The following APOOL variants were observed in gnomAD, a reference collection of about 807,000 sequenced individuals.
APOOL encodes apolipoprotein O like.
In APOOL, 12 loss-of-function variants were observed where a neutral mutation model predicts 23.1. The observed-to-expected ratio is 0.52, with a 90% CI of 0.33 to 0.84. APOOL has a LOEUF of 0.84. Among genes scored for constraint, APOOL ranks in the 40% least tolerant of loss-of-function variants. The probability of loss-of-function intolerance (pLI) is 0.02; values close to 1 mark genes in which losing one functional copy is unlikely to be tolerated. For missense variants in APOOL, 212 were observed against 199.6 expected (o/e 1.06, Z -0.37); for synonymous variants, 77 against 69.9 (o/e 1.10, Z -0.51).
intron 1 of APOOL, among the ~76,000 whole-genome samples, chrX:85,033,668 G>A (rs1922116551): frequency 8.9e-6 from 1 of 111,757 alleles, no homozygotes; most frequent in Non-Finnish European, 1.9e-5. Flanking sequence ...GACTAGATCT[G>A]TATAAAGCAC....
intron 1 of APOOL, among the ~76,000 whole-genome samples, chrX:85,015,337 C>A (rs1921427944): frequency 9.1e-6 from 1 of 110,156 alleles, no homozygotes; most frequent in South Asian, 3.8e-4. Flanking sequence ...TCAGAGATTT[C>A]TTCTTGGTTT....
In APOOL at chrX:85,092,440, A is replaced by T; in HGVS notation, c.*4762A>T. ...GAGTTCTTCTCTGTTAAACCTGAAGAGATGCCAGCCCTCCTCAGAGGAAAG... is the reference window on the plus strand; with the variant it reads ...GAGTTCTTCTCTGTTAAACCTGAAGTGATGCCAGCCCTCCTCAGAGGAAAG... On this transcript the variant is annotated 3_prime_UTR_variant, in exon 9 of 9. Transcript: ENST00000373173. 1 of 1,195,986 alleles carries T rather than the reference A, an allele frequency of 8.4e-7. No homozygotes were observed. The highest frequency in any genetic ancestry group is 1.1e-6 in the Non-Finnish European group (1 of 887,362).
chrX:85,020,761 T>TGAC (rs947164681), intron 1 of APOOL, among the ~76,000 whole-genome samples: 3 of 111,603 alleles, frequency 2.7e-5, no homozygotes, highest in African/African-American at 9.8e-5. Context: ...GTTCCAGGTC[T>TGAC]GCTCAGTACC....
At chrX:85,057,079 T>C (rs967200841) in intron 5 of APOOL, among the ~76,000 whole-genome samples, 1 of 112,049 alleles carries the variant, frequency 8.9e-6, no homozygotes. Flanking sequence ...TATTCCTTCA[T>C]ATGGATGTGC....
chrX:85,081,504 C>G (rs1432826528), intron 8 of APOOL: 2 of 113,953 alleles, frequency 1.8e-5, no homozygotes, highest in African/African-American at 6.5e-5. Context: ...TGACCTTTCT[C>G]TCTGGCTGCC....
chrX:85,070,875 A>T (rs888353611), intron 6 of APOOL, among the ~76,000 whole-genome samples: 2 of 111,302 alleles, frequency 1.8e-5, no homozygotes, highest in Admixed American at 9.7e-5. Context: ...CTCCATGTTC[A>T]TTGCAGCATT....
intron 2 of APOOL, among the ~76,000 whole-genome samples, chrX:85,047,399 C>A (rs1350739515): frequency 9.0e-6 from 1 of 111,288 alleles, no homozygotes; most frequent in African/African-American, 3.3e-5. Context: ...GATGTATGAA[C>A]CACGGTGTTT....
chrX:85,085,674 G>A (rs1032588958), intron 8 of APOOL, among the ~76,000 whole-genome samples: 1 of 111,933 alleles, frequency 8.9e-6, no homozygotes, highest in Non-Finnish European at 1.9e-5. Flanking sequence ...AAATGAATCC[G>A]ATTTTGAACA....
intron 1 of APOOL, among the ~76,000 whole-genome samples, chrX:85,027,327 C>T (rs1438097674): frequency 9.0e-6 from 1 of 111,293 alleles, no homozygotes; most frequent in Non-Finnish European, 1.9e-5. Flanking sequence ...AAACACCTCC[C>T]ACTGCCAGCC....
Position 85,067,204 on chromosome X carries a change from G to A in APOOL, c.472G>A (p.Val158Ile), listed in dbSNP as rs201673477. 5.2e-5 allele frequency: 59 copies of A among 1,136,136 alleles called. No homozygotes were observed. The African/African-American group carries it at 8.5e-4, about 16-fold the overall frequency. 93.6% of individuals were successfully genotyped at this position (1,136,136 alleles called of 1,213,427 possible). A position where few individuals can be genotyped will look rare whatever the true frequency, so the allele number is the denominator to read the frequency against. ...AACTGTTTGCTACCCAGTTCAGTCC[G>A]TAATAATTGCTAAGGTAAGTTCTTT... ...GATVCYPVQSVIIAKVTAKKV... is the reference protein window; with the variant it reads ...GATVCYPVQSIIIAKVTAKKV... Residue 158 changes from valine to isoleucine, a missense_variant, in exon 6 of 9, where the codon GTA becomes ATA. Transcript: ENST00000373173.
intron 1 of APOOL, among the ~76,000 whole-genome samples, chrX:85,045,108 G>A (rs1922531593): frequency 9.0e-6 from 1 of 111,437 alleles, no homozygotes; most frequent in South Asian, 3.7e-4. Context: ...ACCTAACATA[G>A]GTATGGTGTG....
At chrX:85,045,778 G>A (rs911970883) in intron 1 of APOOL, among the ~76,000 whole-genome samples, 1 of 111,712 alleles carries the variant, frequency 9.0e-6, no homozygotes, top group Non-Finnish European at 1.9e-5. Flanking sequence ...GATTTAGCAA[G>A]AAACAGGTAA....
intron 5 of APOOL, among the ~76,000 whole-genome samples, chrX:85,062,977 G>T (rs191704540): frequency 4.5e-5 from 5 of 111,881 alleles, no homozygotes; most frequent in African/African-American, 1.6e-4. Flanking sequence ...TCACGATATT[G>T]TTTCTTCCTA....
intron 8 of APOOL, among the ~76,000 whole-genome samples, chrX:85,082,979 G>GTC (rs1422887813): frequency 1.8e-5 from 2 of 111,493 alleles, no homozygotes; most frequent in Non-Finnish European, 3.8e-5. Context: ...CTGTCAGTCA[G>GTC]AAGCTTGGGA....
intron 1 of APOOL, among the ~76,000 whole-genome samples, chrX:85,011,478 G>GTTAA (rs1921277507): frequency 8.9e-6 from 1 of 111,806 alleles, no homozygotes; most frequent in African/African-American, 3.2e-5. Context: ...TCAGGTCTTA[G>GTTAA]ATTTAAGTCT....
chrX:85,021,714 A>G (rs1166019492), intron 1 of APOOL, among the ~76,000 whole-genome samples: 1 of 111,807 alleles, frequency 8.9e-6, no homozygotes, highest in African/African-American at 3.3e-5. Flanking sequence ...AACAAACAAA[A>G]ACTAAGCCCA....
At chrX:85,062,861 C>T (rs1391382627) in intron 5 of APOOL, among the ~76,000 whole-genome samples, 6 of 111,258 alleles carry the variant, frequency 5.4e-5, no homozygotes, top group Non-Finnish European at 9.4e-5. Context: ...TTGTTGGTTC[C>T]ATGTGAATTT....
chrX:85,011,517 A>G (rs1921279353), intron 1 of APOOL, among the ~76,000 whole-genome samples: 1 of 111,727 alleles, frequency 9.0e-6, no homozygotes, highest in African/African-American at 3.3e-5. Context: ...ATTTTTGTAT[A>G]AGGTGAGAGA....
chrX:85,040,003 A>G (rs1012547512), intron 1 of APOOL, among the ~76,000 whole-genome samples: 1 of 111,605 alleles, frequency 9.0e-6, no homozygotes, highest in African/African-American at 3.3e-5. Context: ...TCAGTAGTCT[A>G]TGTACTTAAG....
Sources: allele counts gnomAD v4.1 joint callset (sites outside exome capture counted in the v4.1 genomes callset), GRCh38; gene constraint gnomAD v4.1.1; transcripts MANE v1.5; gene names NCBI Gene and HGNC (gene_info 2026-07-23, HGNC 2026-07-21).